Variants in CDH18 observed in about 807,000 individuals in gnomAD.
CDH18 encodes the protein cadherin-18.
Under a neutral mutation model 67.9 loss-of-function variants are expected in CDH18, and 31 were observed. The observed-to-expected ratio is 0.46, with a 90% CI of 0.34 to 0.62. CDH18 has a LOEUF of 0.62. Among genes scored for constraint, CDH18 ranks in the 20% least tolerant of loss-of-function variants. The pLI is 0.01. For synonymous variants in CDH18, 362 were observed against 347.2 expected (o/e 1.04, Z -0.48); for missense variants, 890 against 975.5 (o/e 0.91, Z 1.17).
At chr5:20,398,796 G>A (rs1300567409) in intron 1 of CDH18, among the ~76,000 whole-genome samples, 1 of 151,348 alleles carries the variant, frequency 6.6e-6, no homozygotes, top group Non-Finnish European at 1.5e-5. Context: ...AAACCACCAC[G>A]GCACACGTAT....
chr5:20,094,826 AATC>A (rs1163122582), intron 2 of CDH18, among the ~76,000 whole-genome samples: 1 of 152,194 alleles, frequency 6.6e-6, no homozygotes, highest in East Asian at 1.9e-4. Context: ...AAGGATTATA[AATC>A]ATTCTACTAA....
chr5:20,162,027 A>G (rs1735927830), intron 2 of CDH18, among the ~76,000 whole-genome samples: 1 of 152,050 alleles, frequency 6.6e-6, no homozygotes, highest in African/African-American at 2.4e-5. Context: ...GTGGCCCTAT[A>G]TTTAATGCAT....
At chr5:20,379,756 A>G (rs1743761127) in intron 1 of CDH18, among the ~76,000 whole-genome samples, 1 of 152,000 alleles carries the variant, frequency 6.6e-6, no homozygotes, top group African/African-American at 2.4e-5. Flanking sequence ...AAAATATTAA[A>G]GTTGTACTGT....
intron 2 of CDH18, among the ~76,000 whole-genome samples, chr5:20,232,176 T>A (rs944110013): frequency 6.6e-6 from 1 of 152,058 alleles, no homozygotes; most frequent in African/African-American, 2.4e-5. Context: ...TATTTATTTT[T>A]TTTTTTAAGA....
intron 2 of CDH18, among the ~76,000 whole-genome samples, chr5:20,142,699 A>G (rs1750337913): frequency 6.6e-6 from 1 of 152,176 alleles, no homozygotes; most frequent in Non-Finnish European, 1.5e-5. Flanking sequence ...AGAAAAAGGC[A>G]GTGACGGGGT....
At chr5:20,514,420 T>C (rs1755232781) in intron 1 of CDH18, among the ~76,000 whole-genome samples, 1 of 152,182 alleles carries the variant, frequency 6.6e-6, no homozygotes, top group Admixed American at 6.6e-5. Flanking sequence ...ATCATACCAA[T>C]GTCAAGCTTG....
At chr5:19,815,981 C>A (rs982776359) in intron 3 of CDH18, among the ~76,000 whole-genome samples, 2 of 151,828 alleles carry the variant, frequency 1.3e-5, no homozygotes, top group Non-Finnish European at 2.9e-5. Flanking sequence ...CTTCAACATA[C>A]GATTTATATC....
At chr5:19,774,909 G>C (rs1774170505) in intron 3 of CDH18, among the ~76,000 whole-genome samples, 1 of 140,666 alleles carries the variant, frequency 7.1e-6, no homozygotes, top group South Asian at 2.4e-4. Context: ...ATTCAGAAAA[G>C]GACCTACAAC....
At chr5:20,303,553 C>T (rs1736125513) in intron 1 of CDH18, among the ~76,000 whole-genome samples, 2 of 152,132 alleles carry the variant, frequency 1.3e-5, no homozygotes. Flanking sequence ...GGACAAATGC[C>T]TGTCACAGCG....
At chr5:19,752,580 T>C (rs1770994431) in intron 3 of CDH18, among the ~76,000 whole-genome samples, 1 of 152,000 alleles carries the variant, frequency 6.6e-6, no homozygotes, top group African/African-American at 2.4e-5. Context: ...CACCCAATGG[T>C]ACTTCCCTAC....
At chr5:19,741,155 T>C (rs931025642) in intron 4 of CDH18, among the ~76,000 whole-genome samples, 3 of 150,172 alleles carry the variant, frequency 2.0e-5, no homozygotes, top group African/African-American at 7.3e-5. Context: ...TGTACATCTA[T>C]GTCATCTATG....
At chr5:20,287,929 C>A (rs1746807009) in intron 1 of CDH18, among the ~76,000 whole-genome samples, 2 of 151,776 alleles carry the variant, frequency 1.3e-5, no homozygotes, top group South Asian at 4.1e-4. Context: ...TATCCTTGTT[C>A]AAGCAGCTGA....
At chr5:19,913,536 C>T (rs1046237193) in intron 2 of CDH18, among the ~76,000 whole-genome samples, 2 of 152,084 alleles carry the variant, frequency 1.3e-5, no homozygotes, top group African/African-American at 2.4e-5. Flanking sequence ...TTTCTATCAC[C>T]GTTGCAAACC....
intron 1 of CDH18, among the ~76,000 whole-genome samples, chr5:20,554,146 T>C (rs1468352181): frequency 5.3e-5 from 8 of 152,182 alleles, no homozygotes; most frequent in African/African-American, 1.9e-4. Flanking sequence ...GTGCTAGATA[T>C]CTAGTCAGTA....
intron 1 of CDH18, among the ~76,000 whole-genome samples, chr5:20,454,766 A>G (rs1038176263): frequency 2.0e-5 from 3 of 152,072 alleles, no homozygotes; most frequent in African/African-American, 7.2e-5. Flanking sequence ...CACACATGGG[A>G]GCAATGCAGC....
At chr5:20,053,060 A>G (rs1741575675) in intron 2 of CDH18, among the ~76,000 whole-genome samples, 1 of 151,662 alleles carries the variant, frequency 6.6e-6, no homozygotes, top group Admixed American at 6.6e-5. Flanking sequence ...AGTGAATTTT[A>G]GAAAGCATGT....
At chr5:20,417,349 CT>C (rs1295094890) in intron 1 of CDH18, among the ~76,000 whole-genome samples, 2 of 152,052 alleles carry the variant, frequency 1.3e-5, no homozygotes, top group African/African-American at 4.8e-5. Context: ...TCATCAATTC[CT>C]TTTTGCTTAT....
chr5:19,968,940 C>G (rs1797754155), intron 2 of CDH18, among the ~76,000 whole-genome samples: 1 of 137,724 alleles, frequency 7.3e-6, no homozygotes, highest in African/African-American at 3.2e-5. Flanking sequence ...TCACAACCTA[C>G]TCATCTGACA....
intron 3 of CDH18, among the ~76,000 whole-genome samples, chr5:19,792,652 T>C (rs1173285351): frequency 6.6e-6 from 1 of 152,202 alleles, no homozygotes; most frequent in African/African-American, 2.4e-5. Flanking sequence ...GGTAATTTTA[T>C]GTTACAGGGC....
Sources: gnomAD v4.1 joint callset for allele counts (sites outside exome capture counted in the v4.1 genomes callset) on GRCh38, gnomAD v4.1.1 for gene constraint, MANE v1.5 for transcripts, NCBI Gene and HGNC (gene_info 2026-07-23, HGNC 2026-07-21) for gene names.